NPHP4: variants seen among roughly 807,000 people sequenced by gnomAD.
The protein encoded by NPHP4 is nephrocystin 4.
NPHP4 carries 151 observed loss-of-function variants against 155.8 expected under a neutral mutation model. The observed-to-expected ratio is 0.97, with a 90% CI of 0.85 to 1.11. NPHP4 has a LOEUF of 1.11. Ranked by LOEUF, NPHP4 falls within the 50% of genes least tolerant of loss-of-function variation. NPHP4 has a pLI of 0.00. For synonymous variants in NPHP4, 845 were observed against 816.8 expected, an observed-to-expected ratio of 1.03 and a Z score of -0.59; for missense variants, 1,956 against 1,925.7, an observed-to-expected ratio of 1.02 and a Z score of -0.29.
chr1:5,933,060 A>G (rs1008022367), intron 10 of NPHP4, 87 bp downstream of exon 10: 60 of 1,099,368 alleles, frequency 5.5e-5, no homozygotes, highest in Non-Finnish European at 7.8e-5. Context: ...AAACATCTGC[A>G]AACATATTTG....
At chr1:5,938,906 G>A (rs557527802) in intron 9 of NPHP4, among the ~76,000 whole-genome samples, 3 of 152,292 alleles carry the variant, frequency 2.0e-5, no homozygotes, top group Admixed American at 6.5e-5. Flanking sequence ...TTAACACCAC[G>A]CATAGGAATG....
intron 8 of NPHP4, 95 bp downstream of exon 8, chr1:5,947,951 AGAAACACAAGGAAGAACTCCCACG>A: frequency 1.3e-6 from 1 of 769,110 alleles, no homozygotes; most frequent in South Asian, 1.7e-5. Context: ...CCAAGAGGAA[AGAAACACAAGGAAGAACTCCCACG>A]TGGGTGAGTC....
chr1:5,867,631 G>A lies in NPHP4; in HGVS notation c.3472+109C>T. On this transcript the variant is annotated intron_variant, in intron 24 of 29. Transcript: ENST00000378156. The surrounding 1 kb of genome is among the most constrained non-coding windows in gnomAD (Gnocchi z 4.1). ...TTCCCCAGGCCCCACGTGCTGCTCTGACAGCACCAGGGCATGAAGCCATGA... is the reference window on the plus strand; with the variant it reads ...TTCCCCAGGCCCCACGTGCTGCTCTAACAGCACCAGGGCATGAAGCCATGA... 10 of 1,183,080 alleles carry A rather than the reference G, an allele frequency of 8.5e-6. No individual in the cohort carries two copies. Among genetic ancestry groups the A allele is most frequent in the Non-Finnish European group, 1.1e-5 (9 of 832,402 alleles). 73.3% of individuals were successfully genotyped at this position (1,183,080 alleles called of 1,614,324 possible). A position where few individuals can be genotyped will look rare whatever the true frequency, so the allele number is the denominator to read the frequency against.
intron 11 of NPHP4, among the ~76,000 whole-genome samples, chr1:5,923,123 G>C (rs1303332510): frequency 6.6e-6 from 1 of 152,196 alleles, no homozygotes; most frequent in Non-Finnish European, 1.5e-5. Context: ...CACGCAGCAT[G>C]GTGAGTGAAT....
intron 3 of NPHP4, among the ~76,000 whole-genome samples, chr1:5,972,507 T>C (rs1293284462): frequency 1.3e-5 from 2 of 152,212 alleles, no homozygotes; most frequent in East Asian, 1.9e-4. Flanking sequence ...GAAAGGATAA[T>C]ACAACATCTT....
chr1:5,926,752 G>A (rs142484051), intron 11 of NPHP4, among the ~76,000 whole-genome samples: 18 of 152,278 alleles, frequency 1.2e-4, no homozygotes, highest in Non-Finnish European at 1.8e-4. Context: ...GGCCATAGCC[G>A]AGCACAGAAA....
chr1:5,868,663 C>T (rs537898422), intron 23 of NPHP4, among the ~76,000 whole-genome samples: 1 of 150,678 alleles, frequency 6.6e-6, no homozygotes, highest in African/African-American at 2.4e-5. Context: ...CGCATCCAGC[C>T]ACAAATGCAC....
intron 29 of NPHP4, chr1:5,863,679 C>T: frequency 3.2e-6 from 2 of 634,266 alleles, no homozygotes; most frequent in Non-Finnish European, 2.8e-6. Context: ...GGCACAACAC[C>T]CTTTCCCACA....
At chr1:5,966,265 A>C (rs1401076065) in intron 5 of NPHP4, among the ~76,000 whole-genome samples, 1 of 152,050 alleles carries the variant, frequency 6.6e-6, no homozygotes, top group African/African-American at 2.4e-5. Flanking sequence ...GTTTTGTTTG[A>C]GACAGGGTCT....
At chr1:5,979,538 G>GTTTTGT (rs1357616594) in intron 2 of NPHP4, among the ~76,000 whole-genome samples, 2 of 152,004 alleles carry the variant, frequency 1.3e-5, no homozygotes, top group Non-Finnish European at 1.5e-5. Context: ...TAGTACCTGT[G>GTTTTGT]TTTTGTTTTT....
In NPHP4 at chr1:5,978,637, C is replaced by G. The variant is rs114368032; in HGVS notation, c.136-224G>C. ...AACGAAAGACTGCAGTCCCTTGGAA[C>G]AGACACAGGCTTCTGACTCAGCCAG... On this transcript the variant is annotated intron_variant, in intron 2 of 29. Coordinates refer to ENST00000378156, the MANE Select transcript of NPHP4 (RefSeq NM_015102.5). Among the ~76,000 whole-genome samples the G allele has an allele frequency of 0.029, 4,426 of 152,198 alleles. 208 individuals are homozygous for G. Among genetic ancestry groups the G allele is most frequent in the African/African-American group, 0.1 (4,170 of 41,498 alleles).
In NPHP4 at chr1:5,915,554, T is replaced by C. The variant is rs115120454; in HGVS notation, c.1442-6341A>G. On this transcript the variant is annotated intron_variant, in intron 11 of 29. Coordinates refer to ENST00000378156, the MANE Select transcript of NPHP4 (RefSeq NM_015102.5). ...AAGCAGAGATCAAGGGGCAACTGGA[T>C]GATGAGTGAGCACAGGACTCTGTGC... Among the ~76,000 whole-genome samples, 542 of 152,112 alleles carry C rather than the reference T, an allele frequency of 3.6e-3. 2 individuals carry two copies. Among genetic ancestry groups the C allele is most frequent in the African/African-American group, 0.012 (499 of 41,456 alleles).
intron 9 of NPHP4, among the ~76,000 whole-genome samples, chr1:5,934,146 G>C (rs368761797): frequency 6.6e-6 from 1 of 152,174 alleles, no homozygotes; most frequent in Non-Finnish European, 1.5e-5. Flanking sequence ...CCACCTTGTT[G>C]AAGAGGACTC....
intron 9 of NPHP4, among the ~76,000 whole-genome samples, chr1:5,941,281 G>A (rs2101851047): frequency 3.6e-5 from 1 of 27,462 alleles, no homozygotes; most frequent in Non-Finnish European, 6.4e-5. Context: ...ACAAACAAGA[G>A]ATCTAGACAA....
At chr1:5,938,872 G>A (rs1172710239) in intron 9 of NPHP4, among the ~76,000 whole-genome samples, 1 of 152,146 alleles carries the variant, frequency 6.6e-6, no homozygotes, top group African/African-American at 2.4e-5. Flanking sequence ...CGAATCTTCG[G>A]CCAACAACTG....
intron 1 of NPHP4, among the ~76,000 whole-genome samples, chr1:5,987,397 C>T (rs1655646808): frequency 6.6e-6 from 1 of 152,134 alleles, no homozygotes; most frequent in African/African-American, 2.4e-5. Context: ...AGGATCCTGT[C>T]AGGGGCTCTA....
At chr1:5,908,270 C>A (rs1266059935) in intron 12 of NPHP4, among the ~76,000 whole-genome samples, 1 of 152,208 alleles carries the variant, frequency 6.6e-6, no homozygotes, top group East Asian at 1.9e-4. Context: ...CCAGGTTGGG[C>A]CAGCAGGGAA....
intron 5 of NPHP4, among the ~76,000 whole-genome samples, chr1:5,966,240 T>C (rs544713176): frequency 1.3e-5 from 2 of 152,118 alleles, no homozygotes; most frequent in Admixed American, 6.6e-5. Flanking sequence ...GGGAGTGGGT[T>C]TGACGTTTTG....
chr1:5,863,076 G>A lies in NPHP4; in HGVS notation c.*189C>T, dbSNP rs901723673. 3 of 633,062 alleles carry A rather than the reference G, an allele frequency of 4.7e-6. No individual in the cohort carries two copies. The highest frequency in any genetic ancestry group is 2.8e-5 in the East Asian group (1 of 36,040). 39.2% of individuals were successfully genotyped at this position (633,062 alleles called of 1,614,324 possible). A position where few individuals can be genotyped will look rare whatever the true frequency, so the allele number is the denominator to read the frequency against. ...CCAGGCCTGCTGGGTGTCAGCAGCA[G>A]CTAAGCTGGATGCAGGTACTACAAA... On this transcript the variant is annotated 3_prime_UTR_variant, in exon 30 of 30. Transcript: ENST00000378156.
Sources: allele counts gnomAD v4.1 joint callset (sites outside exome capture counted in the v4.1 genomes callset), GRCh38; gene constraint gnomAD v4.1.1; non-coding constraint Gnocchi (gnomAD v3.1); transcripts MANE v1.5; gene names NCBI Gene and HGNC (gene_info 2026-07-23, HGNC 2026-07-21).